PDE4B: variants seen among roughly 807,000 people sequenced by gnomAD.
PDE4B encodes the protein phosphodiesterase 4B.
PDE4B carries 20 observed loss-of-function variants against 82.2 expected under a neutral mutation model. The observed-to-expected ratio is 0.24, with a 90% CI of 0.17 to 0.35. The LOEUF (loss-of-function observed/expected upper bound fraction) is 0.35. Among genes scored for constraint, PDE4B ranks in the 10% least tolerant of loss-of-function variants. PDE4B has a pLI of 1.00. For synonymous variants in PDE4B, 320 were observed against 318.9 expected, an observed-to-expected ratio of 1.00 and a Z score of -0.04; for missense variants, 655 against 907.2, an observed-to-expected ratio of 0.72 and a Z score of 3.57.
intron 3 of PDE4B, among the ~76,000 whole-genome samples, chr1:66,200,856 G>T (rs1008254831): frequency 2.6e-4 from 39 of 152,072 alleles, no homozygotes; most frequent in African/African-American, 9.2e-4. Context: ...CTACCTAATT[G>T]CCCTGGCCAG....
At chr1:66,009,582 C>A (rs2100733819) in intron 3 of PDE4B, among the ~76,000 whole-genome samples, 1 of 152,264 alleles carries the variant, frequency 6.6e-6, no homozygotes, top group South Asian at 2.1e-4. Context: ...TCCTTCCCCT[C>A]ACACCATCCC....
intron 7 of PDE4B, among the ~76,000 whole-genome samples, chr1:66,279,394 A>G (rs937490666): frequency 6.6e-6 from 1 of 152,102 alleles, no homozygotes; most frequent in African/African-American, 2.4e-5. Context: ...AATAAGAAAT[A>G]AGATACATTA....
chr1:66,302,455 T>TCAACAAA (rs1305723925), intron 7 of PDE4B, among the ~76,000 whole-genome samples: 2 of 152,122 alleles, frequency 1.3e-5, no homozygotes, highest in African/African-American at 4.8e-5. Flanking sequence ...TAGCTTTCAT[T>TCAACAAA]TGTTGAGCAA....
At chr1:66,008,989 T>C (rs532079708) in intron 3 of PDE4B, among the ~76,000 whole-genome samples, 16 of 152,170 alleles carry the variant, frequency 1.1e-4, no homozygotes, top group Non-Finnish European at 2.2e-4. Flanking sequence ...TTTATATCTC[T>C]AGCCAGACTT....
At chr1:66,308,737 C>G (rs1270711570) in intron 7 of PDE4B, among the ~76,000 whole-genome samples, 1 of 152,084 alleles carries the variant, frequency 6.6e-6, no homozygotes, top group African/African-American at 2.4e-5. Flanking sequence ...GCCACCTTTT[C>G]TAATGAGAAA....
intron 3 of PDE4B, among the ~76,000 whole-genome samples, chr1:66,007,079 C>A (rs1652192532): frequency 6.6e-6 from 1 of 151,960 alleles, no homozygotes; most frequent in South Asian, 2.1e-4. Context: ...CTTTAGTGAG[C>A]CCTGATTGCA....
chr1:66,091,809 T>G (rs1645031660), intron 3 of PDE4B, among the ~76,000 whole-genome samples: 1 of 152,070 alleles, frequency 6.6e-6, no homozygotes, highest in Non-Finnish European at 1.5e-5. Context: ...TACTGAGAAG[T>G]AAATTTTCCA....
intron 3 of PDE4B, among the ~76,000 whole-genome samples, chr1:66,210,797 T>A (rs1046230807): frequency 3.3e-5 from 5 of 152,114 alleles, no homozygotes; most frequent in Admixed American, 6.6e-5. Context: ...ATCAATCTGT[T>A]GCAGACACTG....
chr1:65,967,669 C>A (rs536986422), intron 3 of PDE4B, among the ~76,000 whole-genome samples: 125 of 152,268 alleles, frequency 8.2e-4, no homozygotes, highest in Non-Finnish European at 1.3e-3. Context: ...CTCATATACA[C>A]CATGGAATAC....
intron 16 of PDE4B, among the ~76,000 whole-genome samples, chr1:66,370,175 AAAAG>A (rs1553177982): frequency 6.7e-6 from 1 of 149,948 alleles, no homozygotes; most frequent in Non-Finnish European, 1.5e-5. Context: ...AAAAAAAAAA[AAAAG>A]AAAGAAATCT....
rs180930166 is a variant in PDE4B, at chr1:65,911,452, T to G, written c.-70-1793T>G. 4.6e-5 allele frequency among the ~76,000 whole-genome samples: 7 copies of G among 152,302 alleles called. No individual in the cohort carries two copies. The East Asian group carries it at 1.4e-3, about 29-fold the overall frequency. ...TTTACAGTTATAATCATTGAGTATG[T>G]ATAGTTTTATATCCTGCGTTTAAAA... On this transcript the variant is annotated intron_variant, in intron 1 of 16. Transcript: ENST00000341517.
At chr1:66,005,758 CT>C (rs1652114655) in intron 3 of PDE4B, among the ~76,000 whole-genome samples, 1 of 152,160 alleles carries the variant, frequency 6.6e-6, no homozygotes, top group Admixed American at 6.5e-5. Flanking sequence ...ACTGCTTCAT[CT>C]GAATAAAGCT....
At chr1:66,048,109 A>C (rs936053891) in intron 3 of PDE4B, among the ~76,000 whole-genome samples, 13 of 151,910 alleles carry the variant, frequency 8.6e-5, no homozygotes, top group African/African-American at 3.1e-4. Context: ...TCACTTAAGC[A>C]GAAAGCTCAC....
intron 1 of PDE4B, among the ~76,000 whole-genome samples, chr1:65,905,487 AGCAGGGACCAGATCT>A (rs1441096633): frequency 6.6e-6 from 1 of 152,150 alleles, no homozygotes; most frequent in Admixed American, 6.6e-5. Flanking sequence ...TTAAAAGTCA[AGCAGGGACCAGATCT>A]GTAGGGACTT....
chr1:65,992,668 A>G, intron 3 of PDE4B: 6 of 1,210,334 alleles, frequency 5.0e-6, no homozygotes, highest in Non-Finnish European at 6.2e-6. Context: ...TGACATTGGA[A>G]GCACTTTGGC....
chr1:66,051,698 T>C (rs1655037228), intron 3 of PDE4B, among the ~76,000 whole-genome samples: 1 of 152,214 alleles, frequency 6.6e-6, no homozygotes, highest in Admixed American at 6.6e-5. Flanking sequence ...GGGTTGATAT[T>C]ATTTGGTTAT....
In PDE4B at chr1:66,096,206, C is replaced by T. The variant is rs566629729; in HGVS notation, c.282-151254C>T. Among the ~76,000 whole-genome samples, 3 of 151,758 alleles carry T rather than the reference C, an allele frequency of 2.0e-5. No homozygotes were observed. The South Asian group carries it at 6.2e-4, about 32-fold the overall frequency. On this transcript the variant is annotated intron_variant, in intron 3 of 16. Transcript: ENST00000341517. ...TTCCTAGCCTCTAGTATCCTCTGTT[C>T]TATTTTTCACTTCTATAAGATCAAC...
chr1:66,184,771 A>T (rs1647145358), intron 3 of PDE4B, among the ~76,000 whole-genome samples: 1 of 152,010 alleles, frequency 6.6e-6, no homozygotes, highest in South Asian at 2.1e-4. Flanking sequence ...TATTGTTATT[A>T]TAAGAAAATA....
chr1:66,223,096 G>A (rs1651132487), intron 3 of PDE4B, among the ~76,000 whole-genome samples: 1 of 152,130 alleles, frequency 6.6e-6, no homozygotes, highest in African/African-American at 2.4e-5. Flanking sequence ...CCAGATCATA[G>A]AAATTCAGCA....
Sources: gnomAD v4.1 joint callset for allele counts (sites outside exome capture counted in the v4.1 genomes callset) on GRCh38, gnomAD v4.1.1 for gene constraint, MANE v1.5 for transcripts, NCBI Gene and HGNC (gene_info 2026-07-23, HGNC 2026-07-21) for gene names.